Variants in ZC2HC1A observed in about 807,000 individuals in gnomAD.
The protein encoded by ZC2HC1A is zinc finger C2HC domain-containing protein 1A.
Under a neutral mutation model 40.7 loss-of-function variants are expected in ZC2HC1A, and 28 were observed. The observed-to-expected ratio is 0.69, with a 90% CI of 0.51 to 0.94. The LOEUF (loss-of-function observed/expected upper bound fraction) is 0.94. Ranked by LOEUF, ZC2HC1A falls within the 40% of genes least tolerant of loss-of-function variation. ZC2HC1A has a pLI of 0.00. For missense variants in ZC2HC1A, 389 were observed against 386.3 expected (o/e 1.01, Z -0.06); for synonymous variants, 129 against 129.2 (o/e 1.00, Z 0.01).
At chr8:78,689,078 TG>T (rs1810122053) in intron 4 of ZC2HC1A, 143 bp from the exon 5 acceptor site, 5 of 445,136 alleles carry the variant, frequency 1.1e-5, no homozygotes, top group Non-Finnish European at 1.8e-5. Flanking sequence ...CAAGTAAAAC[TG>T]GGTAGTTATA....
chr8:78,688,826 A>T (rs1810110492), intron 4 of ZC2HC1A, among the ~76,000 whole-genome samples: 1 of 152,136 alleles, frequency 6.6e-6, no homozygotes, highest in Admixed American at 6.5e-5. Flanking sequence ...CCTGTATTTT[A>T]AAATGTATTT....
intron 1 of ZC2HC1A, among the ~76,000 whole-genome samples, chr8:78,669,947 A>ATTTCTTTC (rs1012478234): frequency 7.0e-6 from 1 of 142,858 alleles, no homozygotes; most frequent in African/African-American, 2.6e-5. Context: ...GAATGAATGT[A>ATTTCTTTC]TTTCTTTCTT....
chr8:78,680,427 A>G (rs1809741067), intron 3 of ZC2HC1A, among the ~76,000 whole-genome samples: 1 of 152,152 alleles, frequency 6.6e-6, no homozygotes, highest in Non-Finnish European at 1.5e-5. Context: ...AGACATACAG[A>G]ATCTCAGCCT....
rs1412219433 is a variant in ZC2HC1A at position 78,695,498 on chromosome 8, T to C, written c.505-1909T>C. 3.3e-5 allele frequency among the ~76,000 whole-genome samples: 5 copies of C among 152,298 alleles called. No homozygotes were observed. The East Asian group carries it at 9.6e-4, about 29-fold the overall frequency. On this transcript the variant is annotated intron_variant, in intron 5 of 8. Transcript: ENST00000263849. ...TGCTAATCATTTTGCTCTTTTTTGATTGTACAGTTTGAGTGGGTCAGCAGT... is the reference window on the plus strand; with the variant it reads ...TGCTAATCATTTTGCTCTTTTTTGACTGTACAGTTTGAGTGGGTCAGCAGT...
At chr8:78,716,659 G>A (rs954329680) in intron 8 of ZC2HC1A, among the ~76,000 whole-genome samples, 2 of 152,122 alleles carry the variant, frequency 1.3e-5, no homozygotes, top group African/African-American at 2.4e-5. Flanking sequence ...CATCATAAAT[G>A]TTCATTCTGC....
chr8:78,715,345 T>G lies in ZC2HC1A; in HGVS notation c.812+17T>G, dbSNP rs1382271537. Reference sequence around the variant, plus strand: ...CATAGCCAGGTATGTTTAGCTCTGCTCTCCCAATAACTAAAATAAAATTGA... The same window carrying G: ...CATAGCCAGGTATGTTTAGCTCTGCGCTCCCAATAACTAAAATAAAATTGA... On this transcript the variant is annotated intron_variant, in intron 8 of 8. Transcript: ENST00000263849. The G allele has an allele frequency of 6.3e-7, 1 of 1,586,000 alleles. No individual in the cohort carries two copies. The highest frequency in any genetic ancestry group is 8.6e-7 in the Non-Finnish European group (1 of 1,163,880).
chr8:78,703,174 G>A (rs1357663011), intron 7 of ZC2HC1A, among the ~76,000 whole-genome samples: 3 of 152,142 alleles, frequency 2.0e-5, no homozygotes, highest in Non-Finnish European at 4.4e-5. Flanking sequence ...TAGGATTACT[G>A]GCATGAGCCA....
chr8:78,684,928 T>A (rs939925563), intron 3 of ZC2HC1A, among the ~76,000 whole-genome samples: 2 of 152,210 alleles, frequency 1.3e-5, no homozygotes, highest in African/African-American at 2.4e-5. Context: ...TTTAAGTTTC[T>A]CAACTTGTTT....
In ZC2HC1A at chr8:78,702,834, T is replaced by G. The variant is rs184551051; in HGVS notation, c.704+4321T>G. ...CTGTGGTTTGAGAGAATATTTGTTATGATTTCAGTTCTTTTGCTTTTACTG... is the reference window on the plus strand; with the variant it reads ...CTGTGGTTTGAGAGAATATTTGTTAGGATTTCAGTTCTTTTGCTTTTACTG... On this transcript the variant is annotated intron_variant, in intron 7 of 8. Coordinates refer to ENST00000263849, the MANE Select transcript of ZC2HC1A (RefSeq NM_016010.3). 3.7e-4 allele frequency among the ~76,000 whole-genome samples: 56 copies of G among 152,336 alleles called. 1 individual carries two copies. In the East Asian group the frequency reaches 9.8e-3, roughly 27 times the overall value.
At chr8:78,700,428 G>A (rs1300247990) in intron 7 of ZC2HC1A, among the ~76,000 whole-genome samples, 1 of 151,756 alleles carries the variant, frequency 6.6e-6, no homozygotes, top group East Asian at 1.9e-4. Context: ...TGCATAATTT[G>A]CAAATATTTG....
chr8:78,700,056 G>T (rs1303590182), intron 7 of ZC2HC1A, among the ~76,000 whole-genome samples: 2 of 152,132 alleles, frequency 1.3e-5, no homozygotes, highest in Non-Finnish European at 2.9e-5. Context: ...CTTTCACAGT[G>T]GCTGAAGTAA....
chr8:78,692,995 C>T (rs1810262959), intron 5 of ZC2HC1A, among the ~76,000 whole-genome samples: 1 of 151,884 alleles, frequency 6.6e-6, no homozygotes, highest in Non-Finnish European at 1.5e-5. Context: ...GGTTTTTTGT[C>T]CTTGTGATAG....
chr8:78,673,161 C>A (rs548811791), intron 1 of ZC2HC1A, among the ~76,000 whole-genome samples: 1 of 152,032 alleles, frequency 6.6e-6, no homozygotes, highest in Non-Finnish European at 1.5e-5. Context: ...TAAGAACATG[C>A]GGTGTTTGAT....
At position 78,719,029 on chromosome 8, in the gene ZC2HC1A, G is replaced by C. The variant is rs1048778392; in HGVS notation, c.*1536G>C. Reference sequence around the variant, plus strand: ...CTTACAGTTTATTTCCTGATTAGTTGTTAATTTTTTTCCCCTCAGTTATCT... The same window carrying C: ...CTTACAGTTTATTTCCTGATTAGTTCTTAATTTTTTTCCCCTCAGTTATCT... On this transcript the variant is annotated 3_prime_UTR_variant, in exon 9 of 9. Transcript: ENST00000263849. The C allele has an allele frequency of 6.6e-6, 1 of 151,700 alleles. No individual in the cohort carries two copies. The highest frequency in any genetic ancestry group is 2.4e-5 in the African/African-American group (1 of 41,404). The allele number at this position is 151,700 out of a possible 1,614,324, so 9.4% of individuals were successfully genotyped here.
chr8:78,717,460 C>A lies in ZC2HC1A; in HGVS notation c.945C>A (p.Cys315Ter). 6.3e-7 allele frequency: 1 copy of A among 1,595,368 alleles called. No homozygotes were observed. The highest frequency in any genetic ancestry group is 1.8e-5 in the Admixed American group (1 of 56,050). The stretch of plus-strand genomic sequence containing the variant: ...ACCCTGTAGAATGGGCCAAATTTTG[C>A]TGTGAATGTGGCATTCGAAGAATGA... Reference protein sequence around the residue: ...TKYPVEWAKFCCECGIRRMIL With the variant: ...TKYPVEWAKF The change falls in exon 9 of 9, where the codon TGC (cysteine) becomes TGA (stop). Residue 315 changes from cysteine to a stop codon, truncating the protein, a stop_gained. Coordinates refer to ENST00000263849, the MANE Select transcript of ZC2HC1A (RefSeq NM_016010.3). LOFTEE classifies it high-confidence loss of function.
At chr8:78,684,279 C>T (rs184068138) in intron 3 of ZC2HC1A, among the ~76,000 whole-genome samples, 4 of 152,260 alleles carry the variant, frequency 2.6e-5, no homozygotes, top group Admixed American at 6.5e-5. Context: ...CTCAGTTTCA[C>T]GTGTCTGGGG....
At chr8:78,698,260 G>A (rs929523015) in intron 6 of ZC2HC1A, among the ~76,000 whole-genome samples, 154 bp from the exon 7 acceptor site, 10 of 152,222 alleles carry the variant, frequency 6.6e-5, no homozygotes, top group East Asian at 1.9e-4. Context: ...GCTATATGTC[G>A]TCCTCTGGAA....
rs372169469 is a variant in ZC2HC1A, at chr8:78,683,939, G to C, written c.211-2528G>C. Among the ~76,000 whole-genome samples the C allele has an allele frequency of 7.2e-5, 11 of 152,254 alleles. No homozygotes were observed. In the East Asian group the frequency reaches 1.4e-3, roughly 19 times the overall value. On this transcript the variant is annotated intron_variant, in intron 3 of 8. Transcript: ENST00000263849. ...CTAAAGCATAACAAGAATCACCTTTGCTCCATTTCCCAGCAAGTTCTTCAT... is the reference window on the plus strand; with the variant it reads ...CTAAAGCATAACAAGAATCACCTTTCCTCCATTTCCCAGCAAGTTCTTCAT...
intron 2 of ZC2HC1A, among the ~76,000 whole-genome samples, chr8:78,676,698 C>T (rs911167982): frequency 2.6e-5 from 4 of 152,054 alleles, no homozygotes; most frequent in Non-Finnish European, 5.9e-5. Flanking sequence ...TGACTGTAGG[C>T]ACCTTTTAAA....
Sources: gnomAD v4.1 joint callset for allele counts (sites outside exome capture counted in the v4.1 genomes callset) on GRCh38, gnomAD v4.1.1 for gene constraint, MANE v1.5 for transcripts, NCBI Gene and HGNC (gene_info 2026-07-23, HGNC 2026-07-21) for gene names.